Variants in HNRNPH1 observed in about 807,000 individuals in gnomAD.
The protein encoded by HNRNPH1 is heterogeneous nuclear ribonucleoprotein H.
A neutral mutation model predicts 58.6 loss-of-function variants in HNRNPH1; 4 were observed. The observed-to-expected ratio is 0.07, with a 90% confidence interval of 0.03 to 0.16. HNRNPH1 has a LOEUF of 0.16. Ranked by LOEUF, HNRNPH1 falls within the 10% of genes least tolerant of loss-of-function variation. The pLI is 1.00. For synonymous variants in HNRNPH1, 192 were observed against 189.2 expected, an observed-to-expected ratio of 1.01 and a Z score of -0.12; for missense variants, 271 against 564.2, an observed-to-expected ratio of 0.48 and a Z score of 5.26.
chr5:179,621,936 T>C (rs1265447243), intron 1 of HNRNPH1: 2 of 456,350 alleles, frequency 4.4e-6, no homozygotes, highest in Admixed American at 4.7e-5. Flanking sequence ...GCTTCCAGCG[T>C]ACTTGGTTCT....
upstream of HNRNPH1, chr5:179,629,047 C>T (rs1180151216): frequency 2.7e-5 from 4 of 150,390 alleles, no homozygotes; most frequent in South Asian, 2.1e-4. Context: ...CCTGTAATCC[C>T]AGCACTTTGG....
chr5:179,632,213 C>A (rs60636274), intron 2 of HNRNPH1, among the ~76,000 whole-genome samples: 7 of 151,820 alleles, frequency 4.6e-5, no homozygotes, highest in African/African-American at 1.7e-4. Context: ...GAGGCTGAGG[C>A]AGGAGAATGG....
chr5:179,632,113 C>T lies in HNRNPH1; in HGVS notation c.-32+1952G>A, dbSNP rs1018870863. The stretch of plus-strand genomic sequence containing the variant: ...CGAGGTCAGGAGATCGAGACCATCC[C>T]GGCTAACACGGTGAAACCCCGTCTC... On this transcript the variant is annotated intron_variant, in intron 2 of 4. Transcript: ENST00000521116. Among the ~76,000 whole-genome samples, 417 of 151,930 alleles carry T rather than the reference C, an allele frequency of 2.7e-3. 1 individual carries two copies. Among genetic ancestry groups the T allele is most frequent in the African/African-American group, 8.7e-3 (362 of 41,460 alleles).
At chr5:179,633,461 A>ATTTTTTTTT (rs762139490) in intron 2 of HNRNPH1, among the ~76,000 whole-genome samples, 463 of 102,540 alleles carry the variant, frequency 4.5e-3, no homozygotes, top group African/African-American at 1.0e-2. Context: ...CACCCGGCTA[A>ATTTTTTTTT]TTTTTTTTTT....
chr5:179,616,023 T>TAG (rs1436514699), intron 11 of HNRNPH1, 103 bp downstream of exon 12: 1 of 1,013,472 alleles, frequency 9.9e-7, no homozygotes, highest in Admixed American at 1.9e-5. Flanking sequence ...GCCTGCGACT[T>TAG]ACTCTAAGTA....
intron 4 of HNRNPH1, 187 bp downstream of exon 5, chr5:179,619,082 G>A (rs1177829530): frequency 2.0e-6 from 1 of 504,332 alleles, no homozygotes; most frequent in Non-Finnish European, 3.5e-6. Context: ...CAATTAACTA[G>A]GGACAAATTT....
At chr5:179,632,628 C>T (rs907253682) in intron 2 of HNRNPH1, among the ~76,000 whole-genome samples, 1 of 152,246 alleles carries the variant, frequency 6.6e-6, no homozygotes, top group African/African-American at 2.4e-5. Flanking sequence ...CGAGCACGCC[C>T]TCTCCGGTTC....
At chr5:179,624,296 T>C in exon 1 of HNRNPH1, 2 of 389,526 alleles carry the variant, frequency 5.1e-6, no homozygotes, top group Admixed American at 4.5e-5. Flanking sequence ...CCCAGCCCTG[T>C]GTGCCTCCAC....
chr5:179,614,547 C>A (rs1768526103), exon 13 of HNRNPH1: 1 of 200,598 alleles, frequency 5.0e-6, no homozygotes, highest in Non-Finnish European at 1.0e-5. Flanking sequence ...TAACATAATT[C>A]AACTGCTTTT....
intron 1 of HNRNPH1, 138 bp downstream of exon 2, chr5:179,622,899 T>TCGCCAGGGGG (rs149132102): frequency 0.87 from 117,686 of 135,516 alleles, 51,621 homozygotes; most frequent in East Asian, 0.98. Context: ...CGCCCGCGCC[T>TCGCCAGGGGG]CGCCAGGGGG....
Position 179,615,116 on chromosome 5 carries a change from A to C in HNRNPH1, c.*1-157T>G. 9.9e-6 allele frequency: 6 copies of C among 606,380 alleles called. No individual in the cohort carries two copies. The South Asian group carries it at 1.2e-4, about 12-fold the overall frequency. The allele number at this position is 606,380 out of a possible 1,614,324, so 37.6% of individuals were successfully genotyped here. A position where few individuals can be genotyped will look rare whatever the true frequency, so the allele number is the denominator to read the frequency against. Reference sequence around the variant, plus strand: ...TTGGGAAAGGGGAATCCCGACTCCAAACAAGCCTCAATTAACCCCTTTTCT... The same window carrying C: ...TTGGGAAAGGGGAATCCCGACTCCACACAAGCCTCAATTAACCCCTTTTCT... On this transcript the variant is annotated intron_variant, in intron 12 of 12. Transcript: ENST00000356731.
chr5:179,617,190 AAGC>A (rs780066173), intron 8 of HNRNPH1, 80 bp from the exon 10 acceptor site: 102 of 1,381,378 alleles, frequency 7.4e-5, no homozygotes, highest in Non-Finnish European at 1.0e-4. Context: ...GTTTTTAAAC[AAGC>A]AGATCTGTGA....
chr5:179,621,762 TG>T, intron 1 of HNRNPH1: 2 of 372,374 alleles, frequency 5.4e-6, no homozygotes, highest in East Asian at 7.0e-5. Context: ...TGTTTTGGTC[TG>T]GGGCATTTAT....
At chr5:179,627,247 A>G (rs1774479005), upstream of HNRNPH1, among the ~76,000 whole-genome samples, 1 of 152,106 alleles carries the variant, frequency 6.6e-6, no homozygotes, top group Non-Finnish European at 1.5e-5. Flanking sequence ...TGTTCCGTGC[A>G]GTGACACAAT....
At chr5:179,616,373 C>A in intron 10 of HNRNPH1, 155 bp from the exon 12 acceptor site, 1 of 641,558 alleles carries the variant, frequency 1.6e-6, no homozygotes, top group East Asian at 2.7e-5. Flanking sequence ...AACCAGGCCA[C>A]CCTTCTATCC....
exon 1 of HNRNPH1, chr5:179,624,598 G>A: frequency 2.5e-6 from 1 of 398,766 alleles, no homozygotes; most frequent in East Asian, 3.6e-5. Flanking sequence ...CGCTGCATTC[G>A]AGGAGGCCCC....
chr5:179,632,269 C>CTA lies in HNRNPH1; in HGVS notation c.-32+1795_-32+1796insTA, dbSNP rs1490047831. 1.2e-3 allele frequency among the ~76,000 whole-genome samples: 178 copies of CTA among 151,700 alleles called. 1 individual carries two copies. The highest frequency in any genetic ancestry group is 4.1e-3 in the African/African-American group (171 of 41,364). ...CTTGCAGTGAGCCAAGATCCCGCCACCGCACTCCAGCCTGAGTGACAGAGC... is the reference window on the plus strand; with the variant it reads ...CTTGCAGTGAGCCAAGATCCCGCCACTACGCACTCCAGCCTGAGTGACAGAGC... On this transcript the variant is annotated intron_variant, in intron 2 of 4. Transcript: ENST00000521116.
At chr5:179,627,151 CCAGA>C (rs1475327311), upstream of HNRNPH1, among the ~76,000 whole-genome samples, 1 of 152,076 alleles carries the variant, frequency 6.6e-6, no homozygotes, top group Non-Finnish European at 1.5e-5. Context: ...GATAGTTGCC[CCAGA>C]CATTCTTCTC....
chr5:179,622,962 G>A (rs1412918300), intron 1 of HNRNPH1, 75 bp downstream of exon 2: 2 of 36,068 alleles, frequency 5.5e-5, no homozygotes, highest in East Asian at 1.4e-3. Flanking sequence ...GCCCCGCCCC[G>A]CCCCAGCCCG....
Sources: allele counts gnomAD v4.1 joint callset (sites outside exome capture counted in the v4.1 genomes callset), GRCh38; gene constraint gnomAD v4.1.1; transcripts MANE v1.5; gene names NCBI Gene and HGNC (gene_info 2026-07-23, HGNC 2026-07-21).